CRYBG1: variants seen among roughly 807,000 people sequenced by gnomAD.
CRYBG1 encodes beta/gamma crystallin domain-containing protein 1.
Under a neutral mutation model 189.2 loss-of-function variants are expected in CRYBG1, and 139 were observed. The ratio of observed to expected loss-of-function variants is 0.73; its 90% CI spans 0.64 to 0.85. CRYBG1 has a LOEUF of 0.85. Among genes scored for constraint, CRYBG1 ranks in the 40% least tolerant of loss-of-function variants. The pLI, the probability that CRYBG1 is intolerant of heterozygous loss-of-function variation, is 0.00. For synonymous variants in CRYBG1, 1,023 were observed against 1,017.1 expected, an observed-to-expected ratio of 1.01 and a Z score of -0.11; for missense variants, 2,611 against 2,675.8, an observed-to-expected ratio of 0.98 and a Z score of 0.53.
chr6:106,390,205 G>A (rs1770474718), intron 1 of CRYBG1, among the ~76,000 whole-genome samples: 1 of 152,036 alleles, frequency 6.6e-6, no homozygotes, highest in Non-Finnish European at 1.5e-5. Context: ...ACTATGTTCT[G>A]ATCAGAAATA....
chr6:106,360,766 C>G lies in CRYBG1; in HGVS notation c.-143C>G, dbSNP rs925808584. 1.9e-5 allele frequency: 19 copies of G among 979,924 alleles called. No individual in the cohort carries two copies. In the African/African-American group the frequency reaches 3.0e-4, roughly 15 times the overall value. The allele number at this position is 979,924 out of a possible 1,614,324, so 60.7% of individuals were successfully genotyped here. ...GCTGGTTCTGCAACCCGCGGCCGTC[C>G]CCCCGCATCCGCGACGAGGGGGCGG... On this transcript the variant is annotated 5_prime_UTR_variant, in exon 1 of 22. Transcript: ENST00000633556.
chr6:106,411,178 T>C (rs1447689695), intron 1 of CRYBG1, among the ~76,000 whole-genome samples: 1 of 152,164 alleles, frequency 6.6e-6, no homozygotes, highest in Non-Finnish European at 1.5e-5. Context: ...TGAAGTAAGG[T>C]AATAAAATGC....
At chr6:106,462,553 T>G (rs1204184985) in intron 2 of CRYBG1, among the ~76,000 whole-genome samples, 1 of 152,218 alleles carries the variant, frequency 6.6e-6, no homozygotes, top group Non-Finnish European at 1.5e-5. Context: ...TCTCTGAGAC[T>G]TAGCCCTTAC....
chr6:106,542,151 T>TTA (rs915658802), intron 10 of CRYBG1, among the ~76,000 whole-genome samples: 29 of 149,626 alleles, frequency 1.9e-4, no homozygotes, highest in Non-Finnish European at 3.9e-4. Context: ...TATATTTATT[T>TTA]TATATATATA....
At chr6:106,488,168 C>A (rs570622243) in intron 2 of CRYBG1, among the ~76,000 whole-genome samples, 1 of 152,150 alleles carries the variant, frequency 6.6e-6, no homozygotes, top group Non-Finnish European at 1.5e-5. Flanking sequence ...GGGCACTAAG[C>A]TGGTTGTTTG....
Position 106,512,908 on chromosome 6 carries a change from C to T in CRYBG1, c.1791C>T (p.Gly597=). 6.2e-7 allele frequency: 1 copy of T among 1,605,030 alleles called. No homozygotes were observed. Among genetic ancestry groups the T allele is most frequent in the South Asian group, 1.1e-5 (1 of 89,680 alleles). Residue 597 remains glycine, a synonymous_variant, in exon 3 of 22, where the codon GGC becomes GGT. Coordinates refer to ENST00000633556, the MANE Select transcript of CRYBG1 (RefSeq NM_001371242.2). ...KRGPLPNHFN[G]RAEGGRSREL... is the part of the protein sequence containing the mutation. ...GCCCGCTCCCCAACCACTTCAACGG[C>T]CGGGCAGAGGGAGGTCGAAGCAGAG... is the stretch of plus-strand genomic sequence containing the variant.
At chr6:106,376,732 T>C (rs1770170625) in intron 1 of CRYBG1, among the ~76,000 whole-genome samples, 2 of 152,178 alleles carry the variant, frequency 1.3e-5, no homozygotes, top group Non-Finnish European at 2.9e-5. Flanking sequence ...TTGTAACTAG[T>C]CAGTTATTTA....
intron 1 of CRYBG1, among the ~76,000 whole-genome samples, chr6:106,410,512 T>C (rs1770909306): frequency 6.6e-6 from 1 of 152,312 alleles, no homozygotes; most frequent in Admixed American, 6.5e-5. Context: ...GACCCAGCAA[T>C]CCCATTACTG....
chr6:106,360,803 G>T lies in CRYBG1; in HGVS notation c.-106G>T. On this transcript the variant is annotated 5_prime_UTR_variant, in exon 1 of 22. Coordinates refer to ENST00000633556, the MANE Select transcript of CRYBG1 (RefSeq NM_001371242.2). ...CGACGAGGGGGCGGGGTCCCACGGC[G>T]CGCTGAGAAAGGCGGGCGAGCTGGC... The T allele has an allele frequency of 7.6e-7, 1 of 1,323,918 alleles. No homozygotes were observed. The highest frequency in any genetic ancestry group is 2.8e-5 in the East Asian group (1 of 35,290). The allele number at this position is 1,323,918 out of a possible 1,614,324, so 82.0% of individuals were successfully genotyped here. A position where few individuals can be genotyped will look rare whatever the true frequency, so the allele number is the denominator to read the frequency against.
At chr6:106,532,315 C>A (rs1231045699) in intron 8 of CRYBG1, among the ~76,000 whole-genome samples, 2 of 152,190 alleles carry the variant, frequency 1.3e-5, no homozygotes, top group Non-Finnish European at 2.9e-5. Flanking sequence ...TGTTGATGGA[C>A]ACTCAGGCTG....
At chr6:106,375,620 A>G (rs1189648498) in intron 1 of CRYBG1, among the ~76,000 whole-genome samples, 1 of 152,154 alleles carries the variant, frequency 6.6e-6, no homozygotes, top group Non-Finnish European at 1.5e-5. Context: ...GGTTAGCATC[A>G]CTTGTTAAAT....
chr6:106,445,692 A>G (rs902892156), intron 1 of CRYBG1, among the ~76,000 whole-genome samples: 2 of 152,214 alleles, frequency 1.3e-5, no homozygotes, highest in Non-Finnish European at 2.9e-5. Flanking sequence ...AGATGAAGAA[A>G]CTGAGGCTTA....
At chr6:106,448,577 C>A (rs1158192729) in intron 1 of CRYBG1, among the ~76,000 whole-genome samples, 1 of 152,122 alleles carries the variant, frequency 6.6e-6, no homozygotes, top group Admixed American at 6.6e-5. Context: ...CGCTACAAGG[C>A]CCAAATTATG....
intron 17 of CRYBG1, among the ~76,000 whole-genome samples, chr6:106,557,895 T>C (rs137990398): frequency 1.4e-3 from 206 of 152,370 alleles, no homozygotes; most frequent in African/African-American, 4.8e-3. Flanking sequence ...TTTAAAATGA[T>C]TGACAGTTTG....
At chr6:106,477,943 C>A (rs973849761) in intron 2 of CRYBG1, among the ~76,000 whole-genome samples, 6 of 152,252 alleles carry the variant, frequency 3.9e-5, no homozygotes, top group African/African-American at 1.4e-4. Context: ...AGTTCCATTG[C>A]CACAGGGCAG....
At chr6:106,378,945 A>G (rs750564500) in intron 1 of CRYBG1, among the ~76,000 whole-genome samples, 6 of 152,070 alleles carry the variant, frequency 3.9e-5, no homozygotes, top group Non-Finnish European at 8.8e-5. Context: ...AGGTGATCGA[A>G]ACCAACCTGG....
chr6:106,378,355 C>T (rs1054210628), intron 1 of CRYBG1, among the ~76,000 whole-genome samples: 9 of 152,208 alleles, frequency 5.9e-5, no homozygotes, highest in African/African-American at 1.9e-4. Context: ...ATTCATTTCC[C>T]TGTGCAAAGT....
intron 2 of CRYBG1, among the ~76,000 whole-genome samples, chr6:106,460,140 C>T (rs1455032928): frequency 2.6e-5 from 3 of 115,420 alleles, no homozygotes; most frequent in Non-Finnish European, 5.3e-5. Context: ...GCGCCCGCCA[C>T]CACGCCCGGC....
chr6:106,400,106 A>G (rs1210025229), intron 1 of CRYBG1, among the ~76,000 whole-genome samples: 1 of 144,222 alleles, frequency 6.9e-6, no homozygotes, highest in Non-Finnish European at 1.5e-5. Context: ...ACTGCACTCC[A>G]GCCTGGGTGA....
Sources: gnomAD v4.1 joint callset for allele counts (sites outside exome capture counted in the v4.1 genomes callset) on GRCh38, gnomAD v4.1.1 for gene constraint, MANE v1.5 for transcripts, NCBI Gene and HGNC (gene_info 2026-07-23, HGNC 2026-07-21) for gene names.